The following UGGT2 variants were observed in gnomAD, a reference collection of about 807,000 sequenced individuals.
UGGT2 encodes UDP-glucose:glycoprotein glucosyltransferase 2.
Under a neutral mutation model 192.1 loss-of-function variants are expected in UGGT2, and 180 were observed. That is an observed-to-expected ratio of 0.94 (90% CI 0.83 to 1.06). UGGT2 has a LOEUF of 1.06. Among genes scored for constraint, UGGT2 ranks in the 50% least tolerant of loss-of-function variants. UGGT2 has a pLI of 0.00. For missense variants in UGGT2, 1,849 were observed against 1,795.7 expected (o/e 1.03, Z -0.54); for synonymous variants, 580 against 591.0 (o/e 0.98, Z 0.27).
intron 7 of UGGT2, among the ~76,000 whole-genome samples, chr13:95,992,940 A>G (rs2051501888): frequency 1.3e-5 from 2 of 152,198 alleles, no homozygotes; most frequent in Admixed American, 1.3e-4. Context: ...AGAAAAATAA[A>G]TAATTCTGAC....
intron 36 of UGGT2, among the ~76,000 whole-genome samples, chr13:95,839,989 C>T (rs767263990): frequency 9.2e-5 from 14 of 152,138 alleles, no homozygotes; most frequent in Admixed American, 1.3e-4. Context: ...AGACATATTT[C>T]GTATTTAAAT....
At chr13:95,957,859 T>C (rs1012761611) in intron 12 of UGGT2, among the ~76,000 whole-genome samples, 1 of 152,188 alleles carries the variant, frequency 6.6e-6, no homozygotes, top group African/African-American at 2.4e-5. Context: ...CAGATACAAG[T>C]ATTAAGATTA....
Position 95,972,615 on chromosome 13 carries a change from G to A in UGGT2, c.1149C>T (p.Gly383=). The change falls in exon 11 of 39, where the codon GGC becomes GGT. Residue 383 remains glycine (G), a synonymous_variant. Coordinates refer to ENST00000376747, the MANE Select transcript of UGGT2 (RefSeq NM_020121.4). ...QPGDARLFIN[G]LRVDMDVYDA... is the part of the protein sequence containing the mutation. Reference sequence around the variant, plus strand: ...CATAAACATCCATATCAACACGAAGGCCATTTATAAATAGACGAGCATCGC... The same window carrying A: ...CATAAACATCCATATCAACACGAAGACCATTTATAAATAGACGAGCATCGC... 2 of 1,613,644 alleles carry A rather than the reference G, an allele frequency of 1.2e-6. No homozygotes were observed. The highest frequency in any genetic ancestry group is 8.5e-7 in the Non-Finnish European group (1 of 1,179,816).
intron 38 of UGGT2, among the ~76,000 whole-genome samples, chr13:95,821,316 T>C (rs1885488599): frequency 1.3e-5 from 2 of 152,204 alleles, no homozygotes; most frequent in Non-Finnish European, 2.9e-5. Flanking sequence ...ATTGTGGTTT[T>C]AACTTGTATT....
intron 1 of UGGT2, 120 bp downstream of exon 1, chr13:96,053,035 A>C (rs2053532238): frequency 1.5e-6 from 2 of 1,327,734 alleles, no homozygotes; most frequent in South Asian, 3.3e-5. Flanking sequence ...TCAGGGCCAG[A>C]GCGGGGGCGT....
At chr13:95,927,484 T>C in intron 17 of UGGT2, 148 bp from the exon 18 acceptor site, 1 of 711,238 alleles carries the variant, frequency 1.4e-6, no homozygotes, top group Non-Finnish European at 2.1e-6. Flanking sequence ...TTTTTTTTTT[T>C]TTTTATTCTT....
intron 8 of UGGT2, among the ~76,000 whole-genome samples, chr13:95,986,670 G>A (rs554344837): frequency 6.6e-6 from 1 of 152,080 alleles, no homozygotes; most frequent in Non-Finnish European, 1.5e-5. Context: ...ACAAATTACA[G>A]TATAATTTCG....
At chr13:95,902,743 T>A (rs917542229) in intron 21 of UGGT2, 111 bp downstream of exon 21, 19 of 1,047,700 alleles carry the variant, frequency 1.8e-5, no homozygotes, top group Non-Finnish European at 2.6e-5. Flanking sequence ...ATGTTTATTA[T>A]CTTCATTTGT....
At chr13:95,847,355 T>C (rs1005673596) in intron 36 of UGGT2, among the ~76,000 whole-genome samples, 1 of 152,178 alleles carries the variant, frequency 6.6e-6, no homozygotes, top group Non-Finnish European at 1.5e-5. Context: ...TTTCTTGGTG[T>C]TGTACATTCT....
intron 33 of UGGT2, among the ~76,000 whole-genome samples, chr13:95,858,437 C>G (rs906313015): frequency 1.3e-5 from 2 of 152,052 alleles, no homozygotes; most frequent in Admixed American, 6.6e-5. Flanking sequence ...AGGCCGTTAG[C>G]CAAGTCCACA....
intron 2 of UGGT2, among the ~76,000 whole-genome samples, chr13:96,028,894 C>T (rs2052743531): frequency 6.6e-6 from 1 of 152,036 alleles, no homozygotes; most frequent in Non-Finnish European, 1.5e-5. Flanking sequence ...CCTGTAAATC[C>T]CAGAACTTTG....
chr13:95,814,923 A>T (rs1282003788), intron 38 of UGGT2, among the ~76,000 whole-genome samples: 1 of 152,242 alleles, frequency 6.6e-6, no homozygotes, highest in African/African-American at 2.4e-5. Context: ...GGTTGATTAA[A>T]CACTGTAATG....
rs751224164 is a variant in UGGT2 at position 95,949,466 on chromosome 13, C to T, written c.1336-12G>A. On this transcript the variant is annotated splice_polypyrimidine_tract_variant and intron_variant, in intron 12 of 38. Transcript: ENST00000376747. ...AAGTCATTAATCCACTAGAAAAGAACGCAGACACTTGTGAAAGCTATATTA... is the reference window on the plus strand; with the variant it reads ...AAGTCATTAATCCACTAGAAAAGAATGCAGACACTTGTGAAAGCTATATTA... 1.7e-5 allele frequency: 25 copies of T among 1,446,878 alleles called. No individual in the cohort carries two copies. The highest frequency in any genetic ancestry group is 7.2e-5 in the African/African-American group (5 of 69,794). The allele number at this position is 1,446,878 out of a possible 1,614,324, so 89.6% of individuals were successfully genotyped here.
At chr13:96,003,702 C>T (rs2051879420) in intron 5 of UGGT2, among the ~76,000 whole-genome samples, 1 of 152,186 alleles carries the variant, frequency 6.6e-6, no homozygotes, top group African/African-American at 2.4e-5. Context: ...CTCCAGCTAT[C>T]AGCCTGAACT....
intron 10 of UGGT2, among the ~76,000 whole-genome samples, chr13:95,978,455 ACT>A (rs2051010042): frequency 1.3e-5 from 2 of 152,234 alleles, no homozygotes; most frequent in Admixed American, 6.5e-5. Context: ...ATCTGAAAAT[ACT>A]CTGTCCCATT....
At chr13:95,898,026 T>C (rs761883680) in intron 22 of UGGT2, among the ~76,000 whole-genome samples, 4 of 152,108 alleles carry the variant, frequency 2.6e-5, no homozygotes, top group Non-Finnish European at 5.9e-5. Flanking sequence ...CTTAGTTCTC[T>C]CACATCTCAC....
At chr13:95,834,054 C>G (rs922018568) in intron 37 of UGGT2, among the ~76,000 whole-genome samples, 1 of 152,034 alleles carries the variant, frequency 6.6e-6, no homozygotes, top group Non-Finnish European at 1.5e-5. Flanking sequence ...GTGACATATT[C>G]CTGAGGTAAG....
intron 17 of UGGT2, among the ~76,000 whole-genome samples, chr13:95,931,774 G>T (rs1028673864): frequency 6.6e-6 from 1 of 152,156 alleles, no homozygotes; most frequent in African/African-American, 2.4e-5. Context: ...ACTCGCGCTG[G>T]CCCATGAACG....
intron 1 of UGGT2, among the ~76,000 whole-genome samples, chr13:96,040,758 T>G (rs1222662838): frequency 2.0e-5 from 3 of 151,950 alleles, no homozygotes; most frequent in Non-Finnish European, 4.4e-5. Context: ...AGTGATGGGG[T>G]TTGTAAATCA....
Sources: gnomAD v4.1 joint callset for allele counts (sites outside exome capture counted in the v4.1 genomes callset) on GRCh38, gnomAD v4.1.1 for gene constraint, MANE v1.5 for transcripts, NCBI Gene and HGNC (gene_info 2026-07-23, HGNC 2026-07-21) for gene names.